The following CEP120 variants were observed in gnomAD, a reference collection of about 807,000 sequenced individuals.
CEP120 encodes centrosomal protein of 120 kDa.
In CEP120, 113 loss-of-function variants were observed where a neutral mutation model predicts 126.5. The observed-to-expected ratio is 0.89, with a 90% CI of 0.77 to 1.04. CEP120 has a LOEUF of 1.04. Ranked by LOEUF, CEP120 falls within the 50% of genes least tolerant of loss-of-function variation. The pLI is 0.00. For synonymous variants in CEP120, 400 were observed against 394.3 expected (o/e 1.01, Z -0.17); for missense variants, 1,230 against 1,155.7 (o/e 1.06, Z -0.93).
Position 123,393,250 on chromosome 5 carries a change from A to C in CEP120, c.810+50T>G, listed in dbSNP as rs145478853. 3.9e-6 allele frequency: 6 copies of C among 1,536,370 alleles called. No homozygotes were observed. The East Asian group carries it at 1.3e-4, about 35-fold the overall frequency. ...TCTCGTTTAGTTTAGGTACTAAATT[A>C]ATGCTTAAAAGACCACCTCCAGCTA... On this transcript the variant is annotated intron_variant, in intron 6 of 19. Transcript: ENST00000306467.
In CEP120 at chr5:123,416,125, C is replaced by G. The variant is rs1774372578; in HGVS notation, c.207-1G>C. 6.4e-7 allele frequency: 1 copy of G among 1,570,410 alleles called. No homozygotes were observed. Among genetic ancestry groups the G allele is most frequent in the Non-Finnish European group, 8.7e-7 (1 of 1,146,292 alleles). On this transcript the variant is annotated splice_acceptor_variant, in intron 2 of 19. Coordinates refer to ENST00000306467, the MANE Select transcript of CEP120 (RefSeq NM_001375405.1). LOFTEE classifies it high-confidence loss of function. Reference sequence around the variant, plus strand: ...GAGTTTGATAGGAGTACGCTGTAGCCTATAACAAAACATGTGATAAATAAA... The same window carrying G: ...GAGTTTGATAGGAGTACGCTGTAGCGTATAACAAAACATGTGATAAATAAA...
chr5:123,406,500 T>A (rs1321738065), intron 4 of CEP120, among the ~76,000 whole-genome samples: 1 of 148,676 alleles, frequency 6.7e-6, no homozygotes, highest in Non-Finnish European at 1.5e-5. Context: ...AAATCTTACC[T>A]CTAAGGGACC....
In CEP120 at chr5:123,403,491, A is replaced by G. The variant is rs75705343; in HGVS notation, c.464-4207T>C. 3.9e-4 allele frequency: 134 copies of G among 345,738 alleles called. 1 individual carries two copies. The East Asian group carries it at 4.8e-3, about 12-fold the overall frequency. The allele number at this position is 345,738 out of a possible 1,614,324, so 21.4% of individuals were successfully genotyped here. ...ACTAAATAAAAAGAGAAAACTGTAA[A>G]TTCACACTGATATAAATAAACGAAT... On this transcript the variant is annotated intron_variant, in intron 4 of 19. Transcript: ENST00000306467.
intron 7 of CEP120, 93 bp downstream of exon 7, chr5:123,391,017 C>T: frequency 1.2e-6 from 1 of 831,584 alleles, no homozygotes; most frequent in Non-Finnish European, 1.9e-6. Flanking sequence ...TAAATATATC[C>T]TTATGAAGGT....
intron 1 of CEP120, chr5:123,422,387 T>C (rs1774773837): frequency 5.6e-6 from 5 of 895,614 alleles, no homozygotes; most frequent in African/African-American, 1.7e-5. Context: ...GAATCAGGAC[T>C]GTTTCATTCT....
At chr5:123,386,421 A>G (rs1772019304) in intron 10 of CEP120, 97 bp downstream of exon 10, 2 of 873,738 alleles carry the variant, frequency 2.3e-6, no homozygotes, top group East Asian at 6.6e-5. Flanking sequence ...ATAAACTGCT[A>G]TGGATTTAAA....
intron 18 of CEP120, among the ~76,000 whole-genome samples, chr5:123,362,417 T>A (rs1281651540): frequency 6.6e-6 from 1 of 151,822 alleles, no homozygotes; most frequent in East Asian, 1.9e-4. Flanking sequence ...CTTTCAATGC[T>A]GGGTCTATCA....
chr5:123,417,277 T>C lies in CEP120; in HGVS notation c.206+1082A>G, dbSNP rs964940680. ...GGACTACTCTAGCAACAGAGGTAAATAGAGTTTTCCTTGCTTTCCTTTTTT... is the reference window on the plus strand; with the variant it reads ...GGACTACTCTAGCAACAGAGGTAAACAGAGTTTTCCTTGCTTTCCTTTTTT... On this transcript the variant is annotated intron_variant, in intron 2 of 19. Transcript: ENST00000306467. 1.3e-4 allele frequency among the ~76,000 whole-genome samples: 19 copies of C among 150,300 alleles called. No individual in the cohort carries two copies. In the Middle Eastern group the frequency reaches 0.01, roughly 82 times the overall value.
intron 18 of CEP120, among the ~76,000 whole-genome samples, chr5:123,362,274 C>T (rs1179595137): frequency 6.6e-6 from 1 of 151,728 alleles, no homozygotes; most frequent in Non-Finnish European, 1.5e-5. Context: ...TACCAACTCA[C>T]GATGACCCCT....
rs1562047830 is a variant in CEP120 at position 123,386,675 on chromosome 5, T to TAAA, written c.1431-9_1431-8insTTT. 78 of 688,894 alleles carry TAAA rather than the reference T, an allele frequency of 1.1e-4. 10 individuals are homozygous for TAAA. The highest frequency in any genetic ancestry group is 2.9e-4 in the African/African-American group (8 of 27,982). The allele number at this position is 688,894 out of a possible 1,614,324, so 42.7% of individuals were successfully genotyped here. A position where few individuals can be genotyped will look rare whatever the true frequency, so the allele number is the denominator to read the frequency against. ...AAGAATGGATATGAGTACCTAGAAT[T>TAAA]TAAAAAAAAAAAAAAAAAAAAAAGC... On this transcript the variant is annotated splice_polypyrimidine_tract_variant and intron_variant, in intron 9 of 19. Coordinates refer to ENST00000306467, the MANE Select transcript of CEP120 (RefSeq NM_001375405.1).
chr5:123,385,216 A>G (rs1265247455), intron 10 of CEP120, 83 bp from the exon 11 acceptor site: 7 of 1,127,246 alleles, frequency 6.2e-6, no homozygotes, highest in Admixed American at 5.3e-5. Context: ...AATTCCCTCA[A>G]TGGAGTCAAA....
chr5:123,378,100 T>C (rs1309294356), intron 15 of CEP120, among the ~76,000 whole-genome samples: 2 of 151,898 alleles, frequency 1.3e-5, no homozygotes, highest in South Asian at 2.1e-4. Flanking sequence ...TAAAGATATA[T>C]GATAGATGAC....
At chr5:123,406,908 T>A (rs9327295) in intron 4 of CEP120, among the ~76,000 whole-genome samples, 1 of 151,534 alleles carries the variant, frequency 6.6e-6, no homozygotes, top group African/African-American at 2.4e-5. Context: ...ATGTGTATGC[T>A]GAGGTATAAC....
intron 17 of CEP120, among the ~76,000 whole-genome samples, chr5:123,365,818 A>G (rs969548867): frequency 2.0e-5 from 3 of 151,486 alleles, no homozygotes; most frequent in Non-Finnish European, 3.0e-5. Context: ...ATAGTATTCA[A>G]TTATACAAGC....
In CEP120 at chr5:123,415,969, T is replaced by A. The variant is rs183938845; in HGVS notation, c.321+41A>T. On this transcript the variant is annotated intron_variant, in intron 3 of 19. Transcript: ENST00000306467. Reference sequence around the variant, plus strand: ...CTGTTATCTACTGAAAATAATCGACTGTCTAACATAATCATTAGCAAAACA... The same window carrying A: ...CTGTTATCTACTGAAAATAATCGACAGTCTAACATAATCATTAGCAAAACA... 2.4e-5 allele frequency: 31 copies of A among 1,266,610 alleles called. No homozygotes were observed. The Admixed American group carries it at 3.3e-4, about 13-fold the overall frequency. 78.5% of individuals were successfully genotyped at this position (1,266,610 alleles called of 1,614,324 possible). A position where few individuals can be genotyped will look rare whatever the true frequency, so the allele number is the denominator to read the frequency against.
Position 123,393,427 on chromosome 5 carries a change from T to C in CEP120, c.683A>G (p.Asn228Ser). 6.2e-7 allele frequency: 1 copy of C among 1,614,128 alleles called. No homozygotes were observed. The highest frequency in any genetic ancestry group is 2.2e-5 in the East Asian group (1 of 44,866). The stretch of plus-strand genomic sequence containing the variant: ...ATTGAAGGGTTCATTTGTAACATCA[T>C]TTCCCAGTAAAGAGTAGTAAAAGAA... Reference protein sequence around the residue: ...EFFFYYSLLGNDVTNEPFNDL... With the variant: ...EFFFYYSLLGSDVTNEPFNDL... Residue 228 changes from asparagine to serine, a missense_variant, in exon 6 of 20, where the codon AAT becomes AGT. Transcript: ENST00000306467.
chr5:123,391,588 A>G lies in CEP120; in HGVS notation c.811-251T>C, dbSNP rs182764124. On this transcript the variant is annotated intron_variant, in intron 6 of 19. Coordinates refer to ENST00000306467, the MANE Select transcript of CEP120 (RefSeq NM_001375405.1). ...TCATTTCTTCTTTCGGTATTACATA[A>G]TCATATGTTATTGCTTCTTTTTCTG... Among the ~76,000 whole-genome samples, 69 of 133,252 alleles carry G rather than the reference A, an allele frequency of 5.2e-4. No homozygotes were observed. The East Asian group carries it at 0.015, about 29-fold the overall frequency. 87.4% of individuals were successfully genotyped at this position (133,252 alleles called of 152,430 possible).
intron 9 of CEP120, among the ~76,000 whole-genome samples, chr5:123,387,539 A>G (rs1043708608): frequency 1.3e-5 from 2 of 152,156 alleles, no homozygotes; most frequent in Non-Finnish European, 2.9e-5. Flanking sequence ...ACCAATACAG[A>G]GCATGGTATG....
At chr5:123,380,306 G>A (rs1047449465) in intron 14 of CEP120, among the ~76,000 whole-genome samples, 1 of 151,978 alleles carries the variant, frequency 6.6e-6, no homozygotes, top group East Asian at 1.9e-4. Context: ...TAAGACAAAT[G>A]AATTAAAGTA....
Sources: gnomAD v4.1 joint callset for allele counts (sites outside exome capture counted in the v4.1 genomes callset) on GRCh38, gnomAD v4.1.1 for gene constraint, MANE v1.5 for transcripts, NCBI Gene and HGNC (gene_info 2026-07-23, HGNC 2026-07-21) for gene names.